Variants in RBM19 observed in about 807,000 individuals in gnomAD.
The protein encoded by RBM19 is probable RNA-binding protein 19.
RBM19 carries 94 observed loss-of-function variants against 116.8 expected under a neutral mutation model. The observed-to-expected ratio is 0.80, with a 90% CI of 0.68 to 0.95. RBM19 has a LOEUF of 0.95. Among genes scored for constraint, RBM19 ranks in the 40% least tolerant of loss-of-function variants. RBM19 has a pLI of 0.00. For missense variants in RBM19, 1,161 were observed against 1,220.7 expected (o/e 0.95, Z 0.73); for synonymous variants, 475 against 494.1 (o/e 0.96, Z 0.51).
chr12:113,856,116 G>A (rs913469569), intron 22 of RBM19, among the ~76,000 whole-genome samples: 13 of 152,332 alleles, frequency 8.5e-5, no homozygotes, highest in African/African-American at 3.1e-4. Context: ...CTGATGGGGA[G>A]AAGGGCCAGT....
chr12:113,888,309 C>G (rs768102559), intron 21 of RBM19, among the ~76,000 whole-genome samples: 21 of 152,194 alleles, frequency 1.4e-4, no homozygotes, highest in Non-Finnish European at 2.5e-4. Context: ...CCCGTGGAAG[C>G]TGACATCACA....
At chr12:113,837,840 T>G (rs572336281) in intron 23 of RBM19, among the ~76,000 whole-genome samples, 12 of 152,166 alleles carry the variant, frequency 7.9e-5, no homozygotes, top group Non-Finnish European at 2.9e-5. Context: ...GGTTCATAGA[T>G]TCTTGGAAAT....
In RBM19 at chr12:113,962,275, T is replaced by C. The variant is rs1872567376; in HGVS notation, c.176A>G (p.Gln59Arg). The C allele has an allele frequency of 6.2e-7, 1 of 1,614,294 alleles. No homozygotes were observed. Among genetic ancestry groups the C allele is most frequent in the Non-Finnish European group, 8.5e-7 (1 of 1,180,050 alleles). ...FKSEEEAQKAQKHFNKSFIDT... is the reference protein window; with the variant it reads ...FKSEEEAQKARKHFNKSFIDT... Reference sequence around the variant, plus strand: ...GATGAAGCTCTTGTTGAAATGCTTCTGTGCCTTCTGGGCCTCTTCCTCGGA... The same window carrying C: ...GATGAAGCTCTTGTTGAAATGCTTCCGTGCCTTCTGGGCCTCTTCCTCGGA... The change falls in exon 2 of 24, where the codon CAG becomes CGG. Residue 59 changes from glutamine to arginine, a missense_variant. Coordinates refer to ENST00000261741, the MANE Select transcript of RBM19 (RefSeq NM_016196.4).
chr12:113,833,804 C>T (rs1250481910), intron 23 of RBM19, among the ~76,000 whole-genome samples: 2 of 152,170 alleles, frequency 1.3e-5, no homozygotes, highest in African/African-American at 4.8e-5. Context: ...AGTGCAGTGG[C>T]GTAATCATGG....
chr12:113,899,221 C>G (rs920370961), intron 21 of RBM19, among the ~76,000 whole-genome samples: 1 of 152,198 alleles, frequency 6.6e-6, no homozygotes, highest in African/African-American at 2.4e-5. Context: ...GGTTAGGTGA[C>G]TTTCCTAAGA....
chr12:113,937,755 T>TAAA (rs35507198), intron 15 of RBM19, among the ~76,000 whole-genome samples: 2 of 118,822 alleles, frequency 1.7e-5, no homozygotes, highest in Admixed American at 9.2e-5. Flanking sequence ...TCCTGCCTCT[T>TAAA]AAAAAAAAAA....
chr12:113,940,187 G>A lies in RBM19; in HGVS notation c.1738-27C>T, dbSNP rs893297240. On this transcript the variant is annotated intron_variant, in intron 14 of 23. Coordinates refer to ENST00000261741, the MANE Select transcript of RBM19 (RefSeq NM_016196.4). Reference sequence around the variant, plus strand: ...TGCAAAGAGGAAATGCACACACATGGGACCACAGGAGGGAGGAGGGTCCCC... The same window carrying A: ...TGCAAAGAGGAAATGCACACACATGAGACCACAGGAGGGAGGAGGGTCCCC... The A allele has an allele frequency of 1.9e-6, 3 of 1,598,794 alleles. No individual in the cohort carries two copies. The African/African-American group carries it at 4.0e-5, about 21-fold the overall frequency.
rs1276678797 is a variant in RBM19 at position 113,950,138 on chromosome 12, A to C, written c.1017T>G (p.Asp339Glu). The part of the protein sequence containing the change: ...HGNKTGYIFV[D>E]FSNEEEVKQA... ...GCTTCACTTCCTCTTCATTGCTGAAATCCACAAAGATGTATCCTGACAGAG... is the reference window on the plus strand; with the variant it reads ...GCTTCACTTCCTCTTCATTGCTGAACTCCACAAAGATGTATCCTGACAGAG... The change falls in exon 9 of 24, where the codon GAT (aspartate) becomes GAG (glutamate). Residue 339 changes from aspartate to glutamate, a missense_variant. Physicochemically the swap from Asp to Glu is conservative, Grantham distance 45. Transcript: ENST00000261741. The C allele has an allele frequency of 1.9e-6, 3 of 1,610,128 alleles. No homozygotes were observed. The African/African-American group carries it at 4.0e-5, about 22-fold the overall frequency.
intron 21 of RBM19, among the ~76,000 whole-genome samples, chr12:113,884,147 G>C (rs1295022074): frequency 6.7e-6 from 1 of 149,022 alleles, no homozygotes; most frequent in Non-Finnish European, 1.5e-5. Context: ...CGCCAGGCAT[G>C]GTGATGCAAG....
chr12:113,854,863 A>G (rs1441553195), intron 22 of RBM19, among the ~76,000 whole-genome samples: 3 of 152,194 alleles, frequency 2.0e-5, no homozygotes, highest in Non-Finnish European at 4.4e-5. Flanking sequence ...CTCCCACCCG[A>G]TGCTGGAGCT....
At chr12:113,831,665 G>A (rs1875424568) in intron 23 of RBM19, among the ~76,000 whole-genome samples, 1 of 152,238 alleles carries the variant, frequency 6.6e-6, no homozygotes, top group African/African-American at 2.4e-5. Flanking sequence ...TGAAATGTTT[G>A]CGGAACACAG....
chr12:113,923,532 G>A (rs1040389459), intron 18 of RBM19, among the ~76,000 whole-genome samples: 8 of 152,220 alleles, frequency 5.3e-5, no homozygotes, highest in Admixed American at 5.2e-4. Context: ...TACTTCTGGG[G>A]AAAAGTCAAA....
At chr12:113,820,101 C>T (rs577046556), downstream of RBM19, among the ~76,000 whole-genome samples, 22 of 152,080 alleles carry the variant, frequency 1.4e-4, no homozygotes, top group Admixed American at 7.2e-4. Context: ...TTACTGCAGA[C>T]GAACTGATCA....
chr12:113,926,363 A>T (rs1325810206), intron 17 of RBM19, among the ~76,000 whole-genome samples: 2 of 152,248 alleles, frequency 1.3e-5, no homozygotes, highest in African/African-American at 2.4e-5. Context: ...TCATTAAAAC[A>T]GAACAAAAAA....
chr12:113,879,783 G>T (rs1217469286), intron 21 of RBM19, among the ~76,000 whole-genome samples: 1 of 152,010 alleles, frequency 6.6e-6, no homozygotes, highest in African/African-American at 2.4e-5. Context: ...CTTAGCCTAA[G>T]TCTCCTGGCA....
At chr12:113,837,092 T>TACAC (rs1192582840) in intron 23 of RBM19, among the ~76,000 whole-genome samples, 7 of 131,258 alleles carry the variant, frequency 5.3e-5, no homozygotes, top group African/African-American at 2.3e-4. Context: ...CATACATACA[T>TACAC]ACATACATAC....
intron 22 of RBM19, among the ~76,000 whole-genome samples, chr12:113,853,710 T>C (rs1877653770): frequency 6.6e-6 from 1 of 152,134 alleles, no homozygotes; most frequent in South Asian, 2.1e-4. Context: ...GAGTCCCCAT[T>C]ATAGCTGCCC....
Position 113,956,962 on chromosome 12 carries a change from C to T in RBM19, c.840+820G>A, listed in dbSNP as rs551749618. ...TGTAGCGCAGGCTCAGTTGATCCTCCCTATGATTGCTGATGACTGGTCTGC... is the reference window on the plus strand; with the variant it reads ...TGTAGCGCAGGCTCAGTTGATCCTCTCTATGATTGCTGATGACTGGTCTGC... On this transcript the variant is annotated intron_variant, in intron 6 of 23. Transcript: ENST00000261741. Among the ~76,000 whole-genome samples, 8 of 152,260 alleles carry T rather than the reference C, an allele frequency of 5.3e-5. No homozygotes were observed. In the South Asian group the frequency reaches 1.7e-3, roughly 32 times the overall value.
At chr12:113,899,389 G>GCC (rs1372577733) in intron 21 of RBM19, among the ~76,000 whole-genome samples, 1 of 152,172 alleles carries the variant, frequency 6.6e-6, no homozygotes, top group Non-Finnish European at 1.5e-5. Context: ...CAGCCTCACT[G>GCC]ACCTTGTATC....
Sources: allele counts gnomAD v4.1 joint callset (sites outside exome capture counted in the v4.1 genomes callset), GRCh38; gene constraint gnomAD v4.1.1; transcripts MANE v1.5; gene names NCBI Gene and HGNC (gene_info 2026-07-23, HGNC 2026-07-21).